The following ELOVL6 variants were observed in gnomAD, a reference collection of about 807,000 sequenced individuals.
ELOVL6 encodes very long chain fatty acid elongase 6.
ELOVL6 carries 8 observed loss-of-function variants against 31.7 expected under a neutral mutation model. That is an observed-to-expected ratio of 0.25 (90% CI 0.15 to 0.45). The LOEUF is 0.45. ELOVL6 is among the 20% of genes least tolerant of loss of function. The probability of loss-of-function intolerance (pLI) is 1.00; values close to 1 mark genes in which losing one functional copy is unlikely to be tolerated. For missense variants in ELOVL6, 126 were observed against 326.4 expected, an observed-to-expected ratio of 0.39 and a Z score of 4.73; for synonymous variants, 101 against 117.7, an observed-to-expected ratio of 0.86 and a Z score of 0.92.
Position 110,051,300 on chromosome 4 carries a change from G to A in ELOVL6, c.*38C>T. 1 of 1,580,476 alleles carries A rather than the reference G, an allele frequency of 6.3e-7. No individual in the cohort carries two copies. The highest frequency in any genetic ancestry group is 8.6e-7 in the Non-Finnish European group (1 of 1,161,658). On this transcript the variant is annotated 3_prime_UTR_variant, in exon 4 of 4. Coordinates refer to ENST00000302274, the MANE Select transcript of ELOVL6 (RefSeq NM_024090.3). This position sits in a 1 kb window ranked among gnomAD's most constrained non-coding sequence, Gnocchi z 4.8. ...TTTTCTTTTGTCTATTATTTTTCTT[G>A]ATGACCCTGAGCTATGGCTTCCTCC... is the stretch of plus-strand genomic sequence containing the variant.
chr4:110,185,049 G>C (rs1221397831), intron 1 of ELOVL6, among the ~76,000 whole-genome samples: 1 of 152,172 alleles, frequency 6.6e-6, no homozygotes, highest in Non-Finnish European at 1.5e-5. Flanking sequence ...ACCTGGGTAA[G>C]GATCATGGAC....
chr4:110,061,359 A>G (rs753586283), intron 2 of ELOVL6, among the ~76,000 whole-genome samples: 13 of 152,158 alleles, frequency 8.5e-5, no homozygotes, highest in Non-Finnish European at 1.9e-4. Context: ...GTTCATAACA[A>G]AACTGGCTTT....
intron 2 of ELOVL6, among the ~76,000 whole-genome samples, chr4:110,090,619 T>TTTTTTTTTTTTTTTTTTTTTC (rs1339267305): frequency 6.7e-6 from 1 of 148,564 alleles, no homozygotes; most frequent in African/African-American, 2.5e-5. Context: ...TTTTTTTTTT[T>TTTTTTTTTTTTTTTTTTTTTC]TCATGAGACG....
intron 2 of ELOVL6, among the ~76,000 whole-genome samples, chr4:110,064,702 G>A (rs945670829): frequency 4.6e-5 from 7 of 151,924 alleles, no homozygotes; most frequent in African/African-American, 1.7e-4. Context: ...TGCCCAGGCT[G>A]GTCTTGAACT....
chr4:110,155,401 T>C (rs916897853), intron 1 of ELOVL6, among the ~76,000 whole-genome samples: 2 of 151,990 alleles, frequency 1.3e-5, no homozygotes, highest in East Asian at 1.9e-4. Flanking sequence ...TCCTAATCTA[T>C]AGCAAAAAAA....
chr4:110,065,042 G>A (rs1164101208), intron 2 of ELOVL6, among the ~76,000 whole-genome samples: 1 of 152,124 alleles, frequency 6.6e-6, no homozygotes, highest in East Asian at 1.9e-4. Flanking sequence ...GAGGGAGGTT[G>A]GGGAGGGGGC....
At chr4:110,159,766 A>G (rs933967482) in intron 1 of ELOVL6, among the ~76,000 whole-genome samples, 5 of 152,174 alleles carry the variant, frequency 3.3e-5, no homozygotes, top group South Asian at 2.1e-4. Context: ...AAAAATTCAC[A>G]CTTTCAACAG....
Position 110,051,177 on chromosome 4 carries a change from G to A in ELOVL6, c.*161C>T. 2 of 706,054 alleles carry A rather than the reference G, an allele frequency of 2.8e-6. No homozygotes were observed. Among genetic ancestry groups the A allele is most frequent in the Non-Finnish European group, 4.7e-6 (2 of 429,820 alleles). The allele number at this position is 706,054 out of a possible 1,614,324, so 43.7% of individuals were successfully genotyped here. ...ACCCTAAAAGGATCATAAACTTACT[G>A]GGTTAAATCAACCTAATTATCCCTA... On this transcript the variant is annotated 3_prime_UTR_variant, in exon 4 of 4. Coordinates refer to ENST00000302274, the MANE Select transcript of ELOVL6 (RefSeq NM_024090.3). This position sits in a 1 kb window ranked among gnomAD's most constrained non-coding sequence, Gnocchi z 4.8.
intron 2 of ELOVL6, among the ~76,000 whole-genome samples, chr4:110,093,803 G>A (rs1210953190): frequency 6.6e-6 from 1 of 152,136 alleles, no homozygotes; most frequent in Non-Finnish European, 1.5e-5. Flanking sequence ...CATACAGTGG[G>A]CTGGAATATG....
In ELOVL6 at chr4:110,169,597, C is replaced by A. The variant is rs555817296; in HGVS notation, c.89+28650G>T. 2.0e-5 allele frequency among the ~76,000 whole-genome samples: 3 copies of A among 152,136 alleles called. No individual in the cohort carries two copies. In the East Asian group the frequency reaches 5.8e-4, roughly 29 times the overall value. On this transcript the variant is annotated intron_variant, in intron 1 of 3. Coordinates refer to ENST00000302274, the MANE Select transcript of ELOVL6 (RefSeq NM_024090.3). Reference sequence around the variant, plus strand: ...ATTCAGAATTTCTAGAAAACACACTCCAATCATCTTCCATATTAAAACAAT... The same window carrying A: ...ATTCAGAATTTCTAGAAAACACACTACAATCATCTTCCATATTAAAACAAT...
rs1560813380 is a variant in ELOVL6, at chr4:110,083,990, TATATAACATATGCC to T, written c.221+21493_221+21506del. Among the ~76,000 whole-genome samples, 77 of 96,504 alleles carry T rather than the reference TATATAACATATGCC, an allele frequency of 8.0e-4. 1 individual carries two copies. The highest frequency in any genetic ancestry group is 2.7e-3 in the South Asian group (9 of 3,396). 63.3% of individuals were successfully genotyped at this position (96,504 alleles called of 152,430 possible). A position where few individuals can be genotyped will look rare whatever the true frequency, so the allele number is the denominator to read the frequency against. On this transcript the variant is annotated intron_variant, in intron 2 of 3. Coordinates refer to ENST00000302274, the MANE Select transcript of ELOVL6 (RefSeq NM_024090.3). ...ATGATATAACATATGCCATATACGA[TATATAACATATGCC>T]ATATATGGTATATAACATATGCCAT...
chr4:110,146,989 C>T (rs1413410624), intron 1 of ELOVL6: 1 of 149,394 alleles, frequency 6.7e-6, no homozygotes, highest in Non-Finnish European at 1.5e-5. Context: ...GACTCTGTCT[C>T]AAAGAAAAAA....
At chr4:110,054,672 A>G (rs1368666447) in intron 3 of ELOVL6, among the ~76,000 whole-genome samples, 2 of 152,176 alleles carry the variant, frequency 1.3e-5, no homozygotes, top group Non-Finnish European at 2.9e-5. Context: ...TTTATTGTCT[A>G]AAGAATGATT....
At chr4:110,148,243 GA>G (rs1382311485) in intron 1 of ELOVL6, among the ~76,000 whole-genome samples, 1 of 151,638 alleles carries the variant, frequency 6.6e-6, no homozygotes, top group Non-Finnish European at 1.5e-5. Flanking sequence ...CTAGTCATCA[GA>G]AAAATTCAAA....
At chr4:110,094,438 T>TATATATATATATATATATATATATAA (rs1383825931) in intron 2 of ELOVL6, among the ~76,000 whole-genome samples, 1 of 55,352 alleles carries the variant, frequency 1.8e-5, no homozygotes, top group Non-Finnish European at 3.2e-5. Context: ...TATATATATA[T>TATATATATATATATATATATATATAA]ATATAATATA....
chr4:110,186,505 G>A (rs1285309742), intron 1 of ELOVL6, among the ~76,000 whole-genome samples: 1 of 151,910 alleles, frequency 6.6e-6, no homozygotes, highest in East Asian at 1.9e-4. Context: ...ATGGGTTAGT[G>A]CCAGTGATTA....
intron 2 of ELOVL6, among the ~76,000 whole-genome samples, chr4:110,077,129 G>A (rs1342071825): frequency 2.0e-5 from 3 of 152,214 alleles, no homozygotes; most frequent in Admixed American, 2.0e-4. Flanking sequence ...AGCTCAAGGA[G>A]GCCTGCCTGC....
intron 1 of ELOVL6, among the ~76,000 whole-genome samples, chr4:110,156,600 C>A (rs923441183): frequency 6.6e-6 from 1 of 152,154 alleles, no homozygotes; most frequent in Non-Finnish European, 1.5e-5. Context: ...GTGGGAGGAT[C>A]ACTTGAGCCC....
chr4:110,158,657 A>ATATATATATATATATATATAT, intron 1 of ELOVL6, among the ~76,000 whole-genome samples: 2 of 74,156 alleles, frequency 2.7e-5, no homozygotes, highest in African/African-American at 8.3e-5. Flanking sequence ...ATATATATAT[A>ATATATATATATATATATATAT]TTTTTTTTTT....
Sources: gnomAD v4.1 joint callset for allele counts (sites outside exome capture counted in the v4.1 genomes callset) on GRCh38, gnomAD v4.1.1 for gene constraint, Gnocchi (gnomAD v3.1) non-coding constraint, MANE v1.5 for transcripts, NCBI Gene and HGNC (gene_info 2026-07-23, HGNC 2026-07-21) for gene names.